The following TRMT11 variants were observed in gnomAD, a reference collection of about 807,000 sequenced individuals.
TRMT11 encodes the protein tRNA (guanine(10)-N(2))-methyltransferase TRMT11.
A neutral mutation model predicts 62.8 loss-of-function variants in TRMT11; 53 were observed. That is an observed-to-expected ratio of 0.84 (90% confidence interval 0.68 to 1.06). TRMT11 has a LOEUF of 1.06. TRMT11 is among the 50% of genes least tolerant of loss of function. TRMT11 has a pLI of 0.00. For synonymous variants in TRMT11, 188 were observed against 190.3 expected, an observed-to-expected ratio of 0.99 and a Z score of 0.10; for missense variants, 556 against 553.4, an observed-to-expected ratio of 1.00 and a Z score of -0.05.
chr6:125,998,010 C>G, intron 3 of TRMT11, 43 bp from the exon 4 acceptor site: 1 of 1,357,342 alleles, frequency 7.4e-7, no homozygotes, highest in Non-Finnish European at 1.1e-6. Context: ...CCTGTGTGAA[C>G]TAAGTTCTTT....
chr6:126,054,760 C>T (rs1776320492), intron 17 of TRMT11, among the ~76,000 whole-genome samples: 1 of 152,200 alleles, frequency 6.6e-6, no homozygotes, highest in Admixed American at 6.5e-5. Context: ...CTCAAGGAAT[C>T]TGTCATAAAT....
chr6:125,986,638 C>G lies in TRMT11; in HGVS notation c.72+16C>G. The G allele has an allele frequency of 6.4e-7, 1 of 1,572,246 alleles. No homozygotes were observed. The highest frequency in any genetic ancestry group is 8.6e-7 in the Non-Finnish European group (1 of 1,160,164). On this transcript the variant is annotated intron_variant, in intron 1 of 12. Coordinates refer to ENST00000334379, the MANE Select transcript of TRMT11 (RefSeq NM_001031712.3). Reference sequence around the variant, plus strand: ...CCGCCTGCCGGTGAGTCCGTAGCGCCCTCCGGAACTTCCGACGGAAGAGGA... The same window carrying G: ...CCGCCTGCCGGTGAGTCCGTAGCGCGCTCCGGAACTTCCGACGGAAGAGGA...
chr6:126,209,595 G>T, the TRMT11 span, among the ~76,000 whole-genome samples: 1 of 151,742 alleles, frequency 6.6e-6, no homozygotes, highest in South Asian at 2.1e-4. Context: ...GCATGGTGGC[G>T]GGCGCCTGTA....
chr6:126,123,382 A>C (rs1777672499), intron 21 of TRMT11, among the ~76,000 whole-genome samples: 1 of 152,140 alleles, frequency 6.6e-6, no homozygotes, highest in Non-Finnish European at 1.5e-5. Flanking sequence ...CAAGGAACAC[A>C]GTGCGCTGAA....
intron 21 of TRMT11, among the ~76,000 whole-genome samples, chr6:126,161,251 G>A (rs1160202740): frequency 6.6e-6 from 1 of 151,690 alleles, no homozygotes; most frequent in African/African-American, 2.4e-5. Context: ...CCCCCTACAG[G>A]CCCTGGCATA....
rs114078043 is a variant in TRMT11, at chr6:126,052,178, T to C, written c.*1370-945T>C. 7.9e-3 allele frequency among the ~76,000 whole-genome samples: 1,205 copies of C among 152,302 alleles called. 12 individuals are homozygous for C. Among genetic ancestry groups the C allele is most frequent in the African/African-American group, 0.028 (1,161 of 41,552 alleles). On this transcript the variant is annotated intron_variant and NMD_transcript_variant, in intron 16 of 22. Coordinates refer to the TRMT11 transcript ENST00000648977. ...GTGATGTGCTTCTGCCCAAACTGGA[T>C]GGGTGGACGTGCTCTATTTGCCGTA... is the stretch of plus-strand genomic sequence containing the variant.
At chr6:126,026,612 C>T (rs902894223) in intron 12 of TRMT11, among the ~76,000 whole-genome samples, 9 of 151,938 alleles carry the variant, frequency 5.9e-5, no homozygotes, top group African/African-American at 2.2e-4. Flanking sequence ...GTCTCGATCT[C>T]CTAACCTCGT....
intron 21 of TRMT11, among the ~76,000 whole-genome samples, chr6:126,135,300 A>G (rs1457005870): frequency 6.6e-6 from 1 of 151,832 alleles, no homozygotes; most frequent in Non-Finnish European, 1.5e-5. Flanking sequence ...GAAATGAGAA[A>G]GGAACATTAT....
At chr6:126,051,874 T>C (rs965527741) in intron 16 of TRMT11, among the ~76,000 whole-genome samples, 1 of 152,152 alleles carries the variant, frequency 6.6e-6, no homozygotes, top group African/African-American at 2.4e-5. Flanking sequence ...TGATTACTTA[T>C]GCAAGAAGCA....
At chr6:126,037,073 GGCC>G (rs1366722537) in intron 12 of TRMT11, among the ~76,000 whole-genome samples, 2 of 151,800 alleles carry the variant, frequency 1.3e-5, no homozygotes, top group African/African-American at 4.8e-5. Flanking sequence ...CAGCTGTCAT[GGCC>G]TTAGTCCATC....
intron 21 of TRMT11, among the ~76,000 whole-genome samples, chr6:126,148,969 C>T (rs1778005969): frequency 6.6e-6 from 1 of 152,226 alleles, no homozygotes; most frequent in African/African-American, 2.4e-5. Flanking sequence ...CTATAAACTA[C>T]ATCCAGGTGT....
At chr6:126,023,140 T>C (rs185280150) in intron 12 of TRMT11, among the ~76,000 whole-genome samples, 134 of 152,364 alleles carry the variant, frequency 8.8e-4, no homozygotes, top group Non-Finnish European at 1.6e-3. Flanking sequence ...TCAAATTCTA[T>C]TTCAAGGATG....
the TRMT11 span, among the ~76,000 whole-genome samples, chr6:126,244,137 G>A: frequency 7.9e-5 from 12 of 150,970 alleles, no homozygotes; most frequent in Non-Finnish European, 1.5e-5. Context: ...TAAGCATCTC[G>A]TCTCTCTCCT....
chr6:126,164,693 T>C (rs1417978412), intron 21 of TRMT11, among the ~76,000 whole-genome samples: 1 of 152,232 alleles, frequency 6.6e-6, no homozygotes, highest in Non-Finnish European at 1.5e-5. Flanking sequence ...GATAGTTAGT[T>C]CTTCTTGTTG....
chr6:126,161,302 A>G (rs918152819), intron 21 of TRMT11, among the ~76,000 whole-genome samples: 3 of 151,600 alleles, frequency 2.0e-5, no homozygotes, highest in Non-Finnish European at 4.4e-5. Context: ...TCATTGTTCA[A>G]CTCCCACTTA....
chr6:126,218,878 T>G, the TRMT11 span, among the ~76,000 whole-genome samples: 1 of 152,172 alleles, frequency 6.6e-6, no homozygotes, highest in Non-Finnish European at 1.5e-5. Flanking sequence ...GAACTCAAGT[T>G]CTGACTGCTG....
intron 21 of TRMT11, among the ~76,000 whole-genome samples, chr6:126,154,000 T>C (rs1480671747): frequency 6.6e-6 from 1 of 152,182 alleles, no homozygotes; most frequent in Non-Finnish European, 1.5e-5. Flanking sequence ...CGGTCTTACG[T>C]GTTTGAGACC....
At chr6:126,240,985 C>T in the TRMT11 span, among the ~76,000 whole-genome samples, 54 of 152,356 alleles carry the variant, frequency 3.5e-4, no homozygotes, top group Non-Finnish European at 6.3e-4. Flanking sequence ...AGCGAGGCTC[C>T]GTGGGCATAG....
chr6:126,096,463 G>C (rs895140474), intron 17 of TRMT11, among the ~76,000 whole-genome samples: 2 of 152,136 alleles, frequency 1.3e-5, no homozygotes, highest in Non-Finnish European at 2.9e-5. Flanking sequence ...ATTGAAGTTG[G>C]ACTCCAGGTT....
Sources: allele counts gnomAD v4.1 joint callset (sites outside exome capture counted in the v4.1 genomes callset), GRCh38; gene constraint gnomAD v4.1.1; transcripts MANE v1.5; gene names NCBI Gene and HGNC (gene_info 2026-07-23, HGNC 2026-07-21).